TNXB: variants seen among roughly 807,000 people sequenced by gnomAD.
The protein encoded by TNXB is tenascin XB.
Under a neutral mutation model 340.5 loss-of-function variants are expected in TNXB, and 183 were observed. That is an observed-to-expected ratio of 0.54 (90% CI 0.48 to 0.61). The LOEUF is 0.61. Among genes scored for constraint, TNXB ranks in the 20% least tolerant of loss-of-function variants. TNXB has a pLI of 0.00. For missense variants in TNXB, 4,613 were observed against 5,446.4 expected, an observed-to-expected ratio of 0.85 and a Z score of 4.82; for synonymous variants, 2,121 against 2,314.5, an observed-to-expected ratio of 0.92 and a Z score of 2.40.
chr6:32,098,848 G>C (rs1205011448), intron 1 of TNXB, among the ~76,000 whole-genome samples: 1 of 152,174 alleles, frequency 6.6e-6, no homozygotes, highest in Non-Finnish European at 1.5e-5. Context: ...TTTGCATTGT[G>C]TGTTCCCTAT....
chr6:32,084,544 A>T lies in TNXB; in HGVS notation c.3314T>A (p.Val1105Glu). ...QYKDRDGQPQVVPVEGPQRSA... is the reference protein window; with the variant it reads ...QYKDRDGQPQEVPVEGPQRSA... ...GCGCTGGGGTCCTTCCACGGGCACC[A>T]CCTGGGGCTGCCCGTCCCTGTCTTT... Residue 1105 changes from valine to glutamate, a missense_variant, in exon 8 of 44, where the codon GTG becomes GAG. Physicochemically the swap from Val to Glu is moderately radical, Grantham distance 121 (BLOSUM62 -2). Coordinates refer to ENST00000644971, the MANE Select transcript of TNXB (RefSeq NM_001365276.2). This position sits in a 1 kb window ranked among gnomAD's most constrained non-coding sequence, Gnocchi z 5.5. 6.2e-7 allele frequency: 1 copy of T among 1,608,854 alleles called. No individual in the cohort carries two copies. Among genetic ancestry groups the T allele is most frequent in the Non-Finnish European group, 8.5e-7 (1 of 1,178,688 alleles).
chr6:32,096,019 C>T lies in TNXB; in HGVS notation c.1834G>A (p.Val612Met), dbSNP rs368085612. Residue 612 changes from valine to methionine, a missense_variant, in exon 3 of 44, where the codon GTG (valine) becomes ATG (methionine). Around this residue, in one of 7 missense-constraint regions of TNXB, gnomAD observed 4,327 missense variants for 4,859.4 expected, o/e 0.89. Transcript: ENST00000644971. ...GTGCGGATGCTGCAGTCCTCACTCA[C>T]GTAGCCTTCCCAACAGATGCACACA... is the stretch of plus-strand genomic sequence containing the variant. The part of the protein sequence containing the change: ...DGVCICWEGY[V>M]SEDCSIRTCP... 2 of 1,612,924 alleles carry T rather than the reference C, an allele frequency of 1.2e-6. No homozygotes were observed. Among genetic ancestry groups the T allele is most frequent in the Non-Finnish European group, 1.7e-6 (2 of 1,179,774 alleles).
rs1434254207 is a variant in TNXB, at chr6:32,068,579, C to T, written c.6031G>A (p.Glu2011Lys). ...ACCAGGAAGTGGTCAAACTGTCCCT[C>T]GGGAACTGTCCAGGACAGGCTGAGG... is the stretch of plus-strand genomic sequence containing the variant. ...DSLSLSWTVP[E>K]GQFDHFLVQY... Residue 2011 changes from glutamate to lysine, a missense_variant, in exon 17 of 44, where the codon GAG becomes AAG. By Grantham distance (56) the Glu-to-Lys change is moderately conservative. Around this residue, in one of 7 missense-constraint regions of TNXB, gnomAD observed 4,327 missense variants for 4,859.4 expected, o/e 0.89. Coordinates refer to ENST00000644971, the MANE Select transcript of TNXB (RefSeq NM_001365276.2). This position sits in a 1 kb window ranked among gnomAD's most constrained non-coding sequence, Gnocchi z 5.3. 8.7e-6 allele frequency: 14 copies of T among 1,613,868 alleles called. No individual in the cohort carries two copies. The highest frequency in any genetic ancestry group is 1.1e-5 in the Non-Finnish European group (13 of 1,179,906).
At position 32,049,986 on chromosome 6, in the gene TNXB, T is replaced by A. The variant is rs1451551706; in HGVS notation, c.9439+12A>T. ...CACAGCTCCCACCCTGGGGCTCCCA[T>A]CATTCACTCACCCGTCACCCCAATG... On this transcript the variant is annotated intron_variant, in intron 27 of 43. Coordinates refer to ENST00000644971, the MANE Select transcript of TNXB (RefSeq NM_001365276.2). This position sits in a 1 kb window ranked among gnomAD's most constrained non-coding sequence, Gnocchi z 4.5. 6.2e-7 allele frequency: 1 copy of A among 1,612,594 alleles called. No individual in the cohort carries two copies. Among genetic ancestry groups the A allele is most frequent in the Non-Finnish European group, 8.5e-7 (1 of 1,179,008 alleles).
Position 32,096,806 on chromosome 6 carries a change from G to C in TNXB, c.1047C>G (p.Gly349=), listed in dbSNP as rs369785145. 2.8e-4 allele frequency: 446 copies of C among 1,585,940 alleles called. 2 individuals carry two copies. The African/African-American group carries it at 5.1e-3, about 18-fold the overall frequency. Residue 349 remains glycine, a synonymous_variant, in exon 3 of 44, where the codon GGC becomes GGG. Coordinates refer to ENST00000644971, the MANE Select transcript of TNXB (RefSeq NM_001365276.2). ...CGCAGCGGCCGTCCACGCAGCGCCC[G>C]CCCTCGCCACAGTCCCAGGGGCAGC... is the stretch of plus-strand genomic sequence containing the variant. ...TRSCPWDCGE[G]GRCVDGRCVC...
In TNXB at chr6:32,072,392, G is replaced by T; in HGVS notation, c.4682-94C>A. 1.9e-6 allele frequency: 2 copies of T among 1,060,532 alleles called. No individual in the cohort carries two copies. Among genetic ancestry groups the T allele is most frequent in the East Asian group, 2.5e-5 (1 of 39,258 alleles). 65.7% of individuals were successfully genotyped at this position (1,060,532 alleles called of 1,614,324 possible). On this transcript the variant is annotated intron_variant, in intron 12 of 43. Coordinates refer to ENST00000644971, the MANE Select transcript of TNXB (RefSeq NM_001365276.2). This position sits in a 1 kb window ranked among gnomAD's most constrained non-coding sequence, Gnocchi z 4.4. ...TCAGGGGGGCTGTGAACTGAGATGG[G>T]GAATAGTTACACCTTTACTTCCAGA...
rs1380977388 is a variant in TNXB, at chr6:32,073,839, G to A, written c.4489C>T (p.Pro1497Ser). The change falls in exon 12 of 44, where the codon CCC becomes TCC. Residue 1497 changes from proline to serine, a missense_variant. Pro to Ser is a moderately conservative substitution (Grantham distance 74). This residue lies in a region of TNXB where 4,327 missense variants were observed against 4,859.4 expected (regional missense o/e 0.89). Transcript: ENST00000644971. This position sits in a 1 kb window ranked among gnomAD's most constrained non-coding sequence, Gnocchi z 4.6. ...ATGAAGGAGTCAAACTGGCCCTCGGGGACTGTCCAGGAGAGGCCCACAGAG... is the reference window on the plus strand; with the variant it reads ...ATGAAGGAGTCAAACTGGCCCTCGGAGACTGTCCAGGAGAGGCCCACAGAG... ...PNSVGLSWTV[P>S]EGQFDSFIVQ... 1 of 1,612,496 alleles carries A rather than the reference G, an allele frequency of 6.2e-7. No individual in the cohort carries two copies. The highest frequency in any genetic ancestry group is 1.3e-5 in the African/African-American group (1 of 74,978).
chr6:32,066,680 G>A (rs2151912116), intron 18 of TNXB, among the ~76,000 whole-genome samples: 1 of 152,328 alleles, frequency 6.6e-6, no homozygotes, highest in Admixed American at 6.5e-5. Context: ...CGTGGTGATG[G>A]CTGCACAAGT....
rs1195847975 is a variant in TNXB, at chr6:32,052,483, G to A, written c.9115+187C>T. ...AAAAAAAGAAAGAAAGAAAAAGAAA[G>A]AAATGCATGGTCTCTTGCCCTAGGC... On this transcript the variant is annotated intron_variant, in intron 26 of 43. Transcript: ENST00000644971. The surrounding 1 kb of genome is among the most constrained non-coding windows in gnomAD (Gnocchi z 4.7). Among the ~76,000 whole-genome samples the A allele has an allele frequency of 2.0e-5, 3 of 151,532 alleles. No homozygotes were observed. Among genetic ancestry groups the A allele is most frequent in the Non-Finnish European group, 4.4e-5 (3 of 67,876 alleles).
In TNXB at chr6:32,070,033, G is replaced by C; in HGVS notation, c.5278+94C>G. 1.4e-6 allele frequency: 2 copies of C among 1,431,930 alleles called. No homozygotes were observed. Among genetic ancestry groups the C allele is most frequent in the East Asian group, 2.4e-5 (1 of 41,300 alleles). The allele number at this position is 1,431,930 out of a possible 1,614,324, so 88.7% of individuals were successfully genotyped here. On this transcript the variant is annotated intron_variant, in intron 14 of 43. Coordinates refer to ENST00000644971, the MANE Select transcript of TNXB (RefSeq NM_001365276.2). The surrounding 1 kb of genome is among the most constrained non-coding windows in gnomAD (Gnocchi z 6.0). ...GAGCTGGATCTGAGCCGAGTGGCTG[G>C]GGCCAAATAATGGTAATGGCAGCCA... is the stretch of plus-strand genomic sequence containing the variant.
Position 32,047,762 on chromosome 6 carries a change from C to A in TNXB, c.10296G>T (p.Leu3432=). 6.2e-7 allele frequency: 1 copy of A among 1,605,470 alleles called. No individual in the cohort carries two copies. ...LLYGLSGRKR[L]GPISADSTTA... ...TGGTGCTGTCAGCAGAGATGGGGCC[C>A]AGTCGTTTCCTGCCTGACAGACCAT... Residue 3432 remains leucine (L), a synonymous_variant, in exon 30 of 44, where the codon CTG becomes CTT. Transcript: ENST00000644971. This position sits in a 1 kb window ranked among gnomAD's most constrained non-coding sequence, Gnocchi z 6.2.
intron 11 of TNXB, chr6:32,078,767 T>C (rs2127246854): frequency 2.1e-6 from 1 of 479,270 alleles, no homozygotes; most frequent in South Asian, 2.8e-5. Flanking sequence ...ATGCTTTACA[T>C]CTGTTAACTC....
chr6:32,048,451 C>A lies in TNXB; in HGVS notation c.9957G>T (p.Gly3319=). 6.3e-7 allele frequency: 1 copy of A among 1,587,994 alleles called. No homozygotes were observed. Among genetic ancestry groups the A allele is most frequent in the African/African-American group, 1.3e-5 (1 of 74,656 alleles). ...SGDLRAVAVS[G]LDPARKYKFL... ...ACTTGTACTTGCGGGCCGGGTCCAG[C>A]CCCGAGACGGCGACCGCTCGGAGGT... Residue 3319 remains glycine (G), a synonymous_variant, in exon 29 of 44, where the codon GGG becomes GGT. Coordinates refer to ENST00000644971, the MANE Select transcript of TNXB (RefSeq NM_001365276.2).
rs771235002 is a variant in TNXB, at chr6:32,046,323, C to T, written c.10458G>A (p.Thr3486=). ...CAGGCACTGCCCTGGGCTGCCCGTC[C>T]GTGTCCCTGTACTGGACCACGAAGG... ...FDSFVVQYRD[T]DGQPRAVPVA... The change falls in exon 31 of 44, where the codon ACG becomes ACA. Residue 3486 remains threonine, a synonymous_variant. Transcript: ENST00000644971. The surrounding 1 kb of genome is among the most constrained non-coding windows in gnomAD (Gnocchi z 6.9). The T allele has an allele frequency of 2.2e-5, 36 of 1,606,620 alleles. No homozygotes were observed. The highest frequency in any genetic ancestry group is 1.6e-4 in the African/African-American group (12 of 74,916).
rs1034232814 is a variant in TNXB, at chr6:32,072,339, A to AG, written c.4682-42dup. The stretch of plus-strand genomic sequence containing the variant: ...ACAAAGAACATGGTTGAGATCTCTG[A>AG]GGGGAGAACCCCTGGGCTTTGAGGG... On this transcript the variant is annotated intron_variant, in intron 12 of 43. Coordinates refer to ENST00000644971, the MANE Select transcript of TNXB (RefSeq NM_001365276.2). The surrounding 1 kb of genome is among the most constrained non-coding windows in gnomAD (Gnocchi z 4.4). 1.9e-5 allele frequency: 29 copies of AG among 1,539,592 alleles called. No homozygotes were observed. Among genetic ancestry groups the AG allele is most frequent in the Non-Finnish European group, 2.4e-5 (27 of 1,140,522 alleles).
chr6:32,101,999 C>T (rs979932148), intron 1 of TNXB, among the ~76,000 whole-genome samples: 7 of 152,190 alleles, frequency 4.6e-5, no homozygotes, highest in African/African-American at 1.2e-4. Flanking sequence ...GTTGGGCTTA[C>T]AGGTGTGAGC....
chr6:32,062,025 GAGCCCC>G lies in TNXB; in HGVS notation c.7168+126_7168+131del. ...TCAACCACACAAAAAGGTACAATGGGAGCCCCAGCCCCAGCCACAAGTAGGTCTGTG... is the reference window on the plus strand; with the variant it reads ...TCAACCACACAAAAAGGTACAATGGGAGCCCCAGCCACAAGTAGGTCTGTG... On this transcript the variant is annotated intron_variant, in intron 20 of 43. Transcript: ENST00000644971. The surrounding 1 kb of genome is among the most constrained non-coding windows in gnomAD (Gnocchi z 4.3). The G allele has an allele frequency of 8.1e-7, 1 of 1,230,038 alleles. No individual in the cohort carries two copies. Among genetic ancestry groups the G allele is most frequent in the Non-Finnish European group, 1.1e-6 (1 of 896,802 alleles). 76.2% of individuals were successfully genotyped at this position (1,230,038 alleles called of 1,614,324 possible). A position where few individuals can be genotyped will look rare whatever the true frequency, so the allele number is the denominator to read the frequency against.
rs1778575053 is a variant in TNXB at position 32,068,923 on chromosome 6, A to G, written c.5801T>C (p.Ile1934Thr). Residue 1934 changes from isoleucine to threonine, a missense_variant, in exon 16 of 44, where the codon ATC becomes ACC. By Grantham distance (89) the Ile-to-Thr change is moderately conservative. Transcript: ENST00000644971. The surrounding 1 kb of genome is among the most constrained non-coding windows in gnomAD (Gnocchi z 5.3). ...MVRIGGDRNDITLSGLESDHR... is the reference protein window; with the variant it reads ...MVRIGGDRNDTTLSGLESDHR... The stretch of plus-strand genomic sequence containing the variant: ...GTCGGATTCCAGGCCAGAGAGGGTG[A>G]TGTCATTCCGGTCACCTCCTATGCG... 6.2e-7 allele frequency: 1 copy of G among 1,612,690 alleles called. No homozygotes were observed. The highest frequency in any genetic ancestry group is 1.3e-5 in the African/African-American group (1 of 74,892).
In TNXB at chr6:32,085,988, G is replaced by A. The variant is rs763340993; in HGVS notation, c.2910C>T (p.Gly970=). ...CACGGAGGCGCCCTGTCTCATCTCT[G>A]CCCAGCACCCTCAACTCTCCCAGCT... The part of the protein sequence containing the change: ...PQELGELRVL[G]RDETGRLRVV... The change falls in exon 7 of 44, where the codon GGC becomes GGT. Residue 970 remains glycine, a synonymous_variant. Coordinates refer to ENST00000644971, the MANE Select transcript of TNXB (RefSeq NM_001365276.2). The surrounding 1 kb of genome is among the most constrained non-coding windows in gnomAD (Gnocchi z 6.4). The A allele has an allele frequency of 1.9e-6, 3 of 1,607,318 alleles. No homozygotes were observed. The East Asian group carries it at 6.7e-5, about 36-fold the overall frequency.
Sources: allele counts gnomAD v4.1 joint callset (sites outside exome capture counted in the v4.1 genomes callset), GRCh38; gene constraint gnomAD v4.1.1; regional missense constraint gnomAD v4.1.1; non-coding constraint Gnocchi (gnomAD v3.1); transcripts MANE v1.5; gene names NCBI Gene and HGNC (gene_info 2026-07-23, HGNC 2026-07-21).